The following MAPKAP1 variants were observed in gnomAD, a reference collection of about 807,000 sequenced individuals.
The protein encoded by MAPKAP1 is target of rapamycin complex 2 subunit MAPKAP1.
Under a neutral mutation model 65.7 loss-of-function variants are expected in MAPKAP1, and 20 were observed. The observed-to-expected ratio is 0.30, with a 90% CI of 0.21 to 0.44. The LOEUF (loss-of-function observed/expected upper bound fraction) is 0.44. MAPKAP1 is among the 20% of genes least tolerant of loss of function. The probability of loss-of-function intolerance (pLI) is 1.00; values close to 1 mark genes in which losing one functional copy is unlikely to be tolerated. For synonymous variants in MAPKAP1, 222 were observed against 244.3 expected (o/e 0.91, Z 0.85); for missense variants, 423 against 648.0 (o/e 0.65, Z 3.77).
chr9:125,514,913 C>T (rs1489811988), intron 7 of MAPKAP1, among the ~76,000 whole-genome samples: 5 of 152,132 alleles, frequency 3.3e-5, no homozygotes, highest in Non-Finnish European at 1.5e-5. Context: ...AGCTCGGACC[C>T]AACATCAGCT....
intron 5 of MAPKAP1, among the ~76,000 whole-genome samples, chr9:125,570,229 G>A (rs1160934606): frequency 2.0e-5 from 3 of 152,330 alleles, no homozygotes; most frequent in African/African-American, 7.2e-5. Flanking sequence ...TTTAAAAGGA[G>A]GGAGGTTTAG....
rs757335569 is a variant in MAPKAP1 at position 125,506,294 on chromosome 9, G to A, written c.1066+16C>T. The A allele has an allele frequency of 3.9e-5, 63 of 1,605,268 alleles. No homozygotes were observed. The highest frequency in any genetic ancestry group is 5.5e-5 in the South Asian group (5 of 90,910). On this transcript the variant is annotated intron_variant, in intron 8 of 11. Coordinates refer to ENST00000265960, the MANE Select transcript of MAPKAP1 (RefSeq NM_001006617.3). ...GCAACGGACAAAGCGGGCATGGAGCGAGGCGGCCAACGTACTGTTCTCGCG... is the reference window on the plus strand; with the variant it reads ...GCAACGGACAAAGCGGGCATGGAGCAAGGCGGCCAACGTACTGTTCTCGCG...
chr9:125,466,903 G>A (rs1054360815), intron 10 of MAPKAP1, among the ~76,000 whole-genome samples: 13 of 152,328 alleles, frequency 8.5e-5, no homozygotes, highest in East Asian at 3.9e-4. Context: ...ATCAGCCCCC[G>A]TCAGCCCCTG....
rs1453771049 is a variant in MAPKAP1, at chr9:125,595,839, G to A, written c.499-10112C>T. On this transcript the variant is annotated intron_variant, in intron 4 of 11. Transcript: ENST00000265960. The surrounding 1 kb of genome is among the most constrained non-coding windows in gnomAD (Gnocchi z 4.0). ...AACACCAAGCGTTCCGGGGGTTTTG[G>A]GTTTGTCACCTATGCCACTGTGGAG... 5 of 1,136,778 alleles carry A rather than the reference G, an allele frequency of 4.4e-6. No individual in the cohort carries two copies. Among genetic ancestry groups the A allele is most frequent in the Non-Finnish European group, 5.3e-6 (4 of 760,544 alleles). 70.4% of individuals were successfully genotyped at this position (1,136,778 alleles called of 1,614,324 possible). A position where few individuals can be genotyped will look rare whatever the true frequency, so the allele number is the denominator to read the frequency against.
chr9:125,565,511 T>C lies in MAPKAP1; in HGVS notation c.672-5702A>G, dbSNP rs552345142. 5.0e-5 allele frequency: 9 copies of C among 180,070 alleles called. No individual in the cohort carries two copies. In the South Asian group the frequency reaches 7.2e-4, roughly 14 times the overall value. The allele number at this position is 180,070 out of a possible 1,614,324, so 11.2% of individuals were successfully genotyped here. ...TTTAAATGTCCAGAACTCTCATTAC[T>C]TGGGCTTTGGTGTTTATTTTGATGA... is the stretch of plus-strand genomic sequence containing the variant. On this transcript the variant is annotated intron_variant, in intron 5 of 11. Transcript: ENST00000265960.
chr9:125,460,823 T>C (rs1853467633), intron 10 of MAPKAP1, among the ~76,000 whole-genome samples: 1 of 152,244 alleles, frequency 6.6e-6, no homozygotes, highest in African/African-American at 2.4e-5. Flanking sequence ...ACACTTGCTC[T>C]TGGCTGATTC....
chr9:125,507,525 G>A (rs1829177022), intron 7 of MAPKAP1, among the ~76,000 whole-genome samples: 1 of 152,142 alleles, frequency 6.6e-6, no homozygotes, highest in Non-Finnish European at 1.5e-5. Context: ...TCAGCATGAG[G>A]CATTTCACTC....
intron 6 of MAPKAP1, among the ~76,000 whole-genome samples, chr9:125,546,206 G>A (rs1483803707): frequency 1.3e-5 from 2 of 152,186 alleles, no homozygotes; most frequent in African/African-American, 4.8e-5. Flanking sequence ...TGAGTGTGCA[G>A]TATCTTACTC....
At chr9:125,599,032 CAAA>C (rs377191673) in intron 4 of MAPKAP1, among the ~76,000 whole-genome samples, 5 of 70,930 alleles carry the variant, frequency 7.0e-5, no homozygotes, top group Admixed American at 1.6e-4. Context: ...AACTCCGTCT[CAAA>C]AAAAAAAAAA....
chr9:125,553,712 C>T (rs946555308), intron 6 of MAPKAP1, among the ~76,000 whole-genome samples: 1 of 152,164 alleles, frequency 6.6e-6, no homozygotes, highest in African/African-American at 2.4e-5. Flanking sequence ...TGGCCAATAG[C>T]CTAAATATTT....
chr9:125,543,694 G>T (rs1171817386), intron 6 of MAPKAP1, among the ~76,000 whole-genome samples: 1 of 152,190 alleles, frequency 6.6e-6, no homozygotes. Flanking sequence ...ATTCTAGCGT[G>T]AGCAGTTCCA....
chr9:125,486,444 AGGGAGAACTCTAGG>A (rs898272923), intron 8 of MAPKAP1, among the ~76,000 whole-genome samples: 4 of 152,166 alleles, frequency 2.6e-5, no homozygotes, highest in African/African-American at 9.6e-5. Context: ...AGGGAAACCT[AGGGAGAACTCTAGG>A]GGGAATGGAA....
At chr9:125,561,532 C>T (rs1004910373) in intron 5 of MAPKAP1, among the ~76,000 whole-genome samples, 2 of 152,178 alleles carry the variant, frequency 1.3e-5, no homozygotes, top group Non-Finnish European at 1.5e-5. Flanking sequence ...ACTTTTGGAT[C>T]TCTGCAGCCG....
intron 4 of MAPKAP1, among the ~76,000 whole-genome samples, chr9:125,604,779 G>A (rs1367511023): frequency 1.3e-5 from 2 of 152,190 alleles, no homozygotes; most frequent in East Asian, 3.8e-4. Flanking sequence ...AAGTCTGTGT[G>A]TGTAAAAAAA....
chr9:125,491,517 C>T (rs1410590326), intron 8 of MAPKAP1, among the ~76,000 whole-genome samples: 1 of 152,020 alleles, frequency 6.6e-6, no homozygotes, highest in Non-Finnish European at 1.5e-5. Context: ...TGGCTCACCC[C>T]TGTAATCCCG....
At chr9:125,442,276 G>C (rs772968869) in intron 11 of MAPKAP1, among the ~76,000 whole-genome samples, 10 of 151,868 alleles carry the variant, frequency 6.6e-5, no homozygotes, top group Non-Finnish European at 1.3e-4. Context: ...CAATATTTCT[G>C]CAAATATTTT....
chr9:125,699,056 A>G (rs185043611), intron 1 of MAPKAP1, among the ~76,000 whole-genome samples: 2 of 152,304 alleles, frequency 1.3e-5, no homozygotes, highest in East Asian at 3.9e-4. Context: ...GCTTGGGACC[A>G]GAAGTGTTTC....
chr9:125,461,569 C>G (rs891025816), intron 10 of MAPKAP1, among the ~76,000 whole-genome samples: 8 of 152,082 alleles, frequency 5.3e-5, no homozygotes, highest in African/African-American at 1.9e-4. Context: ...GATGAAGACC[C>G]CTTTTAATAG....
chr9:125,678,463 C>T (rs964280844), intron 1 of MAPKAP1, among the ~76,000 whole-genome samples: 7 of 151,912 alleles, frequency 4.6e-5, no homozygotes, highest in African/African-American at 1.2e-4. Context: ...AGGATGGCCT[C>T]GATCTCCTGA....
Sources: gnomAD v4.1 joint callset for allele counts (sites outside exome capture counted in the v4.1 genomes callset) on GRCh38, gnomAD v4.1.1 for gene constraint, Gnocchi (gnomAD v3.1) non-coding constraint, MANE v1.5 for transcripts, NCBI Gene and HGNC (gene_info 2026-07-23, HGNC 2026-07-21) for gene names.